The following SNX12 variants were observed in gnomAD, a reference collection of about 807,000 sequenced individuals.
SNX12 encodes sorting nexin-12.
For missense variants in SNX12, 62 were observed against 141.3 expected, an observed-to-expected ratio of 0.44 and a Z score of 2.84; for synonymous variants, 47 against 56.0, an observed-to-expected ratio of 0.84 and a Z score of 0.71.
At chrX:71,061,234 A>G in intron 3 of SNX12, 116 bp from the exon 4 acceptor site, 1 of 544,146 alleles carries the variant, frequency 1.8e-6, no homozygotes, top group Admixed American at 2.8e-5. Context: ...TCAAGCCAGT[A>G]GAGGACAGCA....
intron 1 of SNX12, among the ~76,000 whole-genome samples, chrX:71,065,357 C>CAAAAAAAAAAAAA (rs34405331): frequency 1.8e-5 from 1 of 56,113 alleles, no homozygotes; most frequent in Non-Finnish European, 3.2e-5. Flanking sequence ...GACTTTGTCT[C>CAAAAAAAAAAAAA]AAAAAAAAAA....
chrX:71,065,974 G>A (rs942837484), intron 1 of SNX12, among the ~76,000 whole-genome samples: 1 of 98,651 alleles, frequency 1.0e-5, no homozygotes, highest in Non-Finnish European at 2.1e-5. Flanking sequence ...GCGAGACTCT[G>A]TCTCGAAAAA....
At chrX:71,068,085 C>G (rs749558212) in intron 1 of SNX12, 57 bp downstream of exon 1, 9 of 1,083,857 alleles carry the variant, frequency 8.3e-6, no homozygotes, top group Non-Finnish European at 1.1e-5. Flanking sequence ...CTCCCTCCCC[C>G]CTCCCGCTCG....
At position 71,060,319 on chromosome X, in the gene SNX12, A is replaced by C. The variant is rs2092126563; in HGVS notation, c.*697T>G. On this transcript the variant is annotated 3_prime_UTR_variant, in exon 4 of 4. Transcript: ENST00000374274. The stretch of plus-strand genomic sequence containing the variant: ...TAGGCAGCTAGAGTGGGAGCCACAA[A>C]GGGAGAGGGGCTAGGCAATAGGAGC... The C allele has an allele frequency of 9.0e-6, 1 of 111,467 alleles. No individual in the cohort carries two copies. Among genetic ancestry groups the C allele is most frequent in the South Asian group, 3.8e-4 (1 of 2,656 alleles). 9.2% of individuals were successfully genotyped at this position (111,467 alleles called of 1,213,427 possible).
intron 1 of SNX12, 60 bp downstream of exon 1, chrX:71,068,082 C>T: frequency 9.4e-7 from 1 of 1,062,406 alleles, no homozygotes; most frequent in Non-Finnish European, 1.3e-6. Flanking sequence ...AGCCTCCCTC[C>T]CCCCTCCCGC....
At chrX:71,068,656 C>T (rs2092164332), upstream of SNX12, among the ~76,000 whole-genome samples, 2 of 113,171 alleles carry the variant, frequency 1.8e-5, no homozygotes, top group Admixed American at 9.3e-5. Flanking sequence ...AAGAAATTGT[C>T]TCGTACCGTG....
rs2092127134 is a variant in SNX12 at position 71,060,502 on chromosome X, T to C, written c.*514A>G. 2 of 113,996 alleles carry C rather than the reference T, an allele frequency of 1.8e-5. No individual in the cohort carries two copies. The highest frequency in any genetic ancestry group is 4.2e-3 in the Middle Eastern group (1 of 239). 9.4% of individuals were successfully genotyped at this position (113,996 alleles called of 1,213,427 possible). On this transcript the variant is annotated 3_prime_UTR_variant, in exon 4 of 4. Coordinates refer to ENST00000374274, the MANE Select transcript of SNX12 (RefSeq NM_013346.4). ...GGAGAGAGAAAGCAACAAAAGAAAC[T>C]GTTAAGAAAACTGGGAGCAGGCCTG...
At chrX:71,066,558 G>A (rs1243701672) in intron 1 of SNX12, among the ~76,000 whole-genome samples, 2 of 103,041 alleles carry the variant, frequency 1.9e-5, no homozygotes, top group East Asian at 3.0e-4. Flanking sequence ...CCATTGCACG[G>A]CAGCCTGGGC....
upstream of SNX12, among the ~76,000 whole-genome samples, chrX:71,073,067 C>CAG (rs1309720556): frequency 2.0e-5 from 2 of 101,710 alleles, no homozygotes; most frequent in Non-Finnish European, 4.2e-5. Context: ...CACACACACA[C>CAG]ACACACAAAG....
chrX:71,062,016 G>C, intron 2 of SNX12, 49 bp from the exon 3 acceptor site: 1 of 1,133,202 alleles, frequency 8.8e-7, no homozygotes, highest in South Asian at 2.0e-5. Context: ...GACAGAGTGG[G>C]AATGAGATGG....
At chrX:71,071,700 TA>T (rs1274265358), upstream of SNX12, among the ~76,000 whole-genome samples, 2 of 71,150 alleles carry the variant, frequency 2.8e-5, no homozygotes, top group African/African-American at 1.1e-4. Context: ...TATAAATATA[TA>T]ATATATAGAT....
chrX:71,068,021 C>A (rs1399920256), intron 1 of SNX12, 121 bp downstream of exon 1: 5 of 610,379 alleles, frequency 8.2e-6, no homozygotes, highest in Admixed American at 7.8e-5. Context: ...ATACCCCTAA[C>A]CCCCAAATGA....
chrX:71,072,119 G>A (rs997300545), upstream of SNX12, among the ~76,000 whole-genome samples: 1 of 110,400 alleles, frequency 9.1e-6, no homozygotes, highest in African/African-American at 3.3e-5. Flanking sequence ...TTAGACGGGC[G>A]AGGTGGCATG....
At chrX:71,065,035 G>A (rs1280370494) in intron 1 of SNX12, among the ~76,000 whole-genome samples, 2 of 112,790 alleles carry the variant, frequency 1.8e-5, no homozygotes, top group Non-Finnish European at 3.7e-5. Flanking sequence ...AATGGAGTGA[G>A]ATTCATATAA....
In SNX12 at chrX:71,059,935, ACC is replaced by A. The variant is rs1256979732; in HGVS notation, c.*1079_*1080del. 4 of 111,691 alleles carry A rather than the reference ACC, an allele frequency of 3.6e-5. No individual in the cohort carries two copies. The highest frequency in any genetic ancestry group is 6.5e-5 in the African/African-American group (2 of 30,729). 9.2% of individuals were successfully genotyped at this position (111,691 alleles called of 1,213,427 possible). ...AGAAACAAGTGCAGGCAGTTCAATA[ACC>A]CTGTGACCACGCTGGGGAGGGCAGC... On this transcript the variant is annotated 3_prime_UTR_variant, in exon 4 of 4. Coordinates refer to ENST00000374274, the MANE Select transcript of SNX12 (RefSeq NM_013346.4).
upstream of SNX12, among the ~76,000 whole-genome samples, chrX:71,068,976 C>T: frequency 9.0e-6 from 1 of 111,555 alleles, no homozygotes; most frequent in Non-Finnish European, 1.9e-5. Flanking sequence ...ATATCTTACT[C>T]CTTGTTGCCA....
intron 1 of SNX12, 116 bp downstream of exon 1, chrX:71,068,026 A>C: frequency 1.5e-5 from 9 of 583,134 alleles, no homozygotes; most frequent in South Asian, 3.3e-5. Flanking sequence ...CCTAACCCCC[A>C]AATGACCCCT....
intron 1 of SNX12, 100 bp downstream of exon 1, chrX:71,068,042 G>T: frequency 1.2e-6 from 1 of 809,782 alleles, no homozygotes. Flanking sequence ...CCCCTAAGGC[G>T]TCTTCCCCGC....
chrX:71,061,106 G>A lies in SNX12; in HGVS notation c.399C>T (p.His133=). 1 of 1,203,767 alleles carries A rather than the reference G, an allele frequency of 8.3e-7. No homozygotes were observed. The highest frequency in any genetic ancestry group is 1.8e-5 in the South Asian group (1 of 56,189). ...GGCAGCGTTCATTCTGAGCCAGTGG[G>A]TGCCCAGCAATTCTATAAAGAAACC... ...LEQFINKIAG[H]PLAQNERCLH... is the part of the protein sequence containing the mutation. Residue 133 remains histidine, a synonymous_variant, in exon 4 of 4, where the codon CAC becomes CAT. Coordinates refer to ENST00000374274, the MANE Select transcript of SNX12 (RefSeq NM_013346.4).
Sources: gnomAD v4.1 joint callset for allele counts (sites outside exome capture counted in the v4.1 genomes callset) on GRCh38, gnomAD v4.1.1 for gene constraint, MANE v1.5 for transcripts, NCBI Gene and HGNC (gene_info 2026-07-23, HGNC 2026-07-21) for gene names.